Variants in ASXL3 observed in about 807,000 individuals in gnomAD.
ASXL3 encodes the protein ASXL transcriptional regulator 3.
ASXL3 carries 34 observed loss-of-function variants against 170.6 expected under a neutral mutation model. The observed-to-expected ratio is 0.20, with a 90% CI of 0.15 to 0.27. The LOEUF is 0.27. Among genes scored for constraint, ASXL3 ranks in the 10% least tolerant of loss-of-function variants. ASXL3 has a pLI of 1.00. For missense variants in ASXL3, 2,592 were observed against 2,695.3 expected, an observed-to-expected ratio of 0.96 and a Z score of 0.85; for synonymous variants, 1,002 against 989.1, an observed-to-expected ratio of 1.01 and a Z score of -0.24.
chr18:33,584,920 A>G (rs1289860251), intron 1 of ASXL3, among the ~76,000 whole-genome samples: 1 of 151,626 alleles, frequency 6.6e-6, no homozygotes. Context: ...GTGTGTGTAT[A>G]CTTTTTTTTT....
intron 8 of ASXL3, among the ~76,000 whole-genome samples, chr18:33,696,701 G>A (rs1307440265): frequency 6.6e-6 from 1 of 151,794 alleles, no homozygotes; most frequent in South Asian, 2.1e-4. Flanking sequence ...TTGCTTTCTC[G>A]GAGTGTTCAT....
intron 7 of ASXL3, among the ~76,000 whole-genome samples, chr18:33,679,847 T>G (rs956599941): frequency 2.0e-5 from 3 of 152,230 alleles, no homozygotes; most frequent in Middle Eastern, 3.4e-3. Context: ...AGATATGTAC[T>G]CTGTCAAGTA....
At chr18:33,722,132 GCCTC>G (rs976588928) in intron 8 of ASXL3, among the ~76,000 whole-genome samples, 1 of 151,844 alleles carries the variant, frequency 6.6e-6, no homozygotes, top group South Asian at 2.1e-4. Flanking sequence ...CTTTCTTCAG[GCCTC>G]CCTATTTCCT....
chr18:33,715,416 C>G (rs1002024995), intron 8 of ASXL3, among the ~76,000 whole-genome samples: 1 of 152,130 alleles, frequency 6.6e-6, no homozygotes, highest in African/African-American at 2.4e-5. Flanking sequence ...ACATTCTGCC[C>G]CATATTATCA....
Position 33,745,081 on chromosome 18 carries a change from G to C in ASXL3, c.5233G>C (p.Ala1745Pro), listed in dbSNP as rs1599575927. ...SSGCRLSSVE[A>P]NNPLVTQLLQ... The stretch of plus-strand genomic sequence containing the variant: ...AGGCTGTCGTCTGTCCTCTGTGGAG[G>C]CTAACAATCCGCTGGTGACGCAGTT... Residue 1745 changes from alanine to proline, a missense_variant, in exon 12 of 12, where the codon GCT (alanine) becomes CCT (proline). Coordinates refer to ENST00000269197, the MANE Select transcript of ASXL3 (RefSeq NM_030632.3). 3 of 1,613,986 alleles carry C rather than the reference G, an allele frequency of 1.9e-6. No individual in the cohort carries two copies. The highest frequency in any genetic ancestry group is 2.5e-6 in the Non-Finnish European group (3 of 1,179,896).
intron 8 of ASXL3, among the ~76,000 whole-genome samples, chr18:33,728,489 A>G (rs1006453101): frequency 1.3e-5 from 2 of 152,206 alleles, no homozygotes; most frequent in Non-Finnish European, 2.9e-5. Flanking sequence ...ATATTTGTAG[A>G]AAAATTTCAG....
In ASXL3 at chr18:33,646,342, A is replaced by G. The variant is rs1312987866; in HGVS notation, c.344A>G (p.Glu115Gly). 1.2e-6 allele frequency: 2 copies of G among 1,608,576 alleles called. No individual in the cohort carries two copies. The highest frequency in any genetic ancestry group is 4.5e-5 in the East Asian group (2 of 44,744). ...ATGGCCGAGGCAAATGCCCATGGAG[A>G]AGAAAATGGAGGTAAGTGTGATGAA... ...TDMAEANAHG[E>G]ENGVCSKQVT... The change falls in exon 4 of 12, where the codon GAA (glutamate) becomes GGA (glycine). Residue 115 changes from glutamate to glycine, a missense_variant. Around this residue, in one of 4 missense-constraint regions of ASXL3, gnomAD observed 251 missense variants for 281.9 expected, o/e 0.89. Coordinates refer to ENST00000269197, the MANE Select transcript of ASXL3 (RefSeq NM_030632.3).
intron 7 of ASXL3, among the ~76,000 whole-genome samples, chr18:33,676,034 C>G (rs1215520739): frequency 6.6e-6 from 1 of 151,742 alleles, no homozygotes; most frequent in South Asian, 2.1e-4. Context: ...ACCATCCTGG[C>G]TAACACAGTG....
intron 2 of ASXL3, among the ~76,000 whole-genome samples, chr18:33,640,334 A>C (rs1164391643): frequency 1.6e-4 from 24 of 151,978 alleles, no homozygotes; most frequent in Admixed American, 1.3e-3. Context: ...ATTTTCAGTC[A>C]TTTTAGAGAG....
intron 4 of ASXL3, among the ~76,000 whole-genome samples, chr18:33,658,511 G>A (rs997705380): frequency 6.6e-6 from 1 of 152,062 alleles, no homozygotes; most frequent in Middle Eastern, 3.2e-3. Flanking sequence ...AAATGTGTAT[G>A]AGCACACTGA....
At chr18:33,624,873 A>G (rs1440588416) in intron 2 of ASXL3, among the ~76,000 whole-genome samples, 2 of 152,194 alleles carry the variant, frequency 1.3e-5, no homozygotes, top group Admixed American at 6.5e-5. Context: ...TTGAACATTC[A>G]TTATATGCTA....
intron 1 of ASXL3, among the ~76,000 whole-genome samples, chr18:33,586,950 G>A (rs1053093598): frequency 2.0e-5 from 3 of 152,158 alleles, no homozygotes; most frequent in African/African-American, 7.2e-5. Flanking sequence ...GAAAGTGGTA[G>A]AGTCTGTCTT....
intron 7 of ASXL3, among the ~76,000 whole-genome samples, chr18:33,674,934 G>A (rs1323157845): frequency 6.6e-6 from 1 of 151,878 alleles, no homozygotes; most frequent in African/African-American, 2.4e-5. Flanking sequence ...GTCTTTTTTA[G>A]ACAATGATGT....
rs549238236 is a variant in ASXL3, at chr18:33,660,831, G to A, written c.356-785G>A. ...AGGACTCAGAAGTCTGTCCGTTTGA[G>A]GAGAACTAAAGGTAGAGTTCTGGCT... On this transcript the variant is annotated intron_variant, in intron 4 of 11. Coordinates refer to ENST00000269197, the MANE Select transcript of ASXL3 (RefSeq NM_030632.3). 8.4e-4 allele frequency among the ~76,000 whole-genome samples: 128 copies of A among 152,254 alleles called. 1 individual carries two copies. In the South Asian group the frequency reaches 9.3e-3, roughly 11 times the overall value.
rs755530224 is a variant in ASXL3, at chr18:33,732,080, C to G, written c.976+16C>G. 4 of 1,599,124 alleles carry G rather than the reference C, an allele frequency of 2.5e-6. No homozygotes were observed. The Admixed American group carries it at 6.7e-5, about 27-fold the overall frequency. Reference sequence around the variant, plus strand: ...CTGGCAGAAGGTAAATTTGTATTTTCTATTATTATGTGACATATTGGAGTA... The same window carrying G: ...CTGGCAGAAGGTAAATTTGTATTTTGTATTATTATGTGACATATTGGAGTA... On this transcript the variant is annotated intron_variant, in intron 9 of 11. Coordinates refer to ENST00000269197, the MANE Select transcript of ASXL3 (RefSeq NM_030632.3).
rs950269997 is a variant in ASXL3, at chr18:33,631,973, G to C, written c.138-12921G>C. On this transcript the variant is annotated intron_variant, in intron 2 of 11. Coordinates refer to ENST00000269197, the MANE Select transcript of ASXL3 (RefSeq NM_030632.3). ...AATTTAAAATGGAAAGAATTAGGCT[G>C]GAAGAAAGTTTACAAAGTGCTTAGA... 1.1e-4 allele frequency among the ~76,000 whole-genome samples: 17 copies of C among 152,070 alleles called. 1 individual carries two copies. The highest frequency in any genetic ancestry group is 4.1e-4 in the African/African-American group (17 of 41,440).
Position 33,734,297 on chromosome 18 carries a change from A to C in ASXL3, c.977-13A>C. On this transcript the variant is annotated splice_polypyrimidine_tract_variant and intron_variant, in intron 9 of 11. Transcript: ENST00000269197. ...GACCACATTTATTCAATACATTAGC[A>C]TTTTCTTTTTAGGAGAGTTTACCCC... is the stretch of plus-strand genomic sequence containing the variant. The C allele has an allele frequency of 6.4e-7, 1 of 1,569,280 alleles. No homozygotes were observed. Among genetic ancestry groups the C allele is most frequent in the Non-Finnish European group, 8.7e-7 (1 of 1,155,606 alleles).
At chr18:33,628,735 A>G (rs535788911) in intron 2 of ASXL3, among the ~76,000 whole-genome samples, 105 of 134,668 alleles carry the variant, frequency 7.8e-4, no homozygotes, top group African/African-American at 2.7e-3. Context: ...TTTGTTTTTA[A>G]TGTGTCTGCA....
At position 33,744,207 on chromosome 18, in the gene ASXL3, T is replaced by G. The variant is rs759754567; in HGVS notation, c.4359T>G (p.Pro1453=). Residue 1453 remains proline (P), a synonymous_variant, in exon 12 of 12, where the codon CCT becomes CCG. Transcript: ENST00000269197. ...PRNRADNSGK[P]QQPPGGFAPA... is the part of the protein sequence containing the mutation. ...ACAGGGCAGATAATTCTGGAAAACC[T>G]CAGCAACCACCAGGGGGCTTTGCAC... The G allele has an allele frequency of 6.2e-7, 1 of 1,613,876 alleles. No homozygotes were observed. The highest frequency in any genetic ancestry group is 8.5e-7 in the Non-Finnish European group (1 of 1,179,894).
Sources: allele counts gnomAD v4.1 joint callset (sites outside exome capture counted in the v4.1 genomes callset), GRCh38; gene constraint gnomAD v4.1.1; regional missense constraint gnomAD v4.1.1; transcripts MANE v1.5; gene names NCBI Gene and HGNC (gene_info 2026-07-23, HGNC 2026-07-21).